SORCS2: variants seen among roughly 807,000 people sequenced by gnomAD.
SORCS2 encodes the protein sortilin related VPS10 domain containing receptor 2.
Under a neutral mutation model 141.6 loss-of-function variants are expected in SORCS2, and 100 were observed. The observed-to-expected ratio is 0.71, with a 90% CI of 0.60 to 0.83. The LOEUF is 0.83. Among genes scored for constraint, SORCS2 ranks in the 40% least tolerant of loss-of-function variants. The probability of loss-of-function intolerance (pLI) is 0.00; values close to 1 mark genes in which losing one functional copy is unlikely to be tolerated. For missense variants in SORCS2, 1,646 were observed against 1,560.2 expected (o/e 1.05, Z -0.93); for synonymous variants, 789 against 676.9 (o/e 1.17, Z -2.57).
At chr4:7,571,866 G>A (rs1471237266) in intron 3 of SORCS2, among the ~76,000 whole-genome samples, 1 of 152,190 alleles carries the variant, frequency 6.6e-6, no homozygotes, top group Non-Finnish European at 1.5e-5. Context: ...TTAGCTTCCT[G>A]GGACTTGTCG....
At chr4:7,640,407 G>A (rs1038623446) in intron 4 of SORCS2, among the ~76,000 whole-genome samples, 1 of 129,910 alleles carries the variant, frequency 7.7e-6, no homozygotes, top group Admixed American at 7.7e-5. Context: ...AGTGTGTGTG[G>A]GTGAGTGTGT....
In SORCS2 at chr4:7,555,876, C is replaced by T. The variant is rs539289368; in HGVS notation, c.648+24247C>T. On this transcript the variant is annotated intron_variant, in intron 3 of 26. Transcript: ENST00000507866. ...TCAGTGTGACAGCAGGTGGCAGAGG[C>T]AGAGCCCCCAGGAAAGCTGTTCACA... Among the ~76,000 whole-genome samples, 32 of 152,304 alleles carry T rather than the reference C, an allele frequency of 2.1e-4. No individual in the cohort carries two copies. The South Asian group carries it at 2.3e-3, about 11-fold the overall frequency.
chr4:7,452,179 C>A (rs1728503373), intron 2 of SORCS2, among the ~76,000 whole-genome samples: 1 of 151,670 alleles, frequency 6.6e-6, no homozygotes, highest in South Asian at 2.1e-4. Flanking sequence ...CTTGCTCTGT[C>A]ACCCAGGCTG....
chr4:7,733,240 TGGA>T, intron 23 of SORCS2, 79 bp from the exon 24 acceptor site: 1 of 725,142 alleles, frequency 1.4e-6, no homozygotes, highest in Non-Finnish European at 1.8e-6. Flanking sequence ...ACTCCCCTCC[TGGA>T]GGAGGACCCC....
At chr4:7,569,399 C>T (rs1350377959) in intron 3 of SORCS2, among the ~76,000 whole-genome samples, 1 of 152,152 alleles carries the variant, frequency 6.6e-6, no homozygotes, top group Non-Finnish European at 1.5e-5. Context: ...GTAATCCCAG[C>T]TACTTGGGAG....
intron 1 of SORCS2, among the ~76,000 whole-genome samples, chr4:7,379,783 T>G (rs1438513775): frequency 6.6e-6 from 1 of 152,258 alleles, no homozygotes; most frequent in South Asian, 2.1e-4. Context: ...AAGACCTCTA[T>G]GAAGGGCCTG....
chr4:7,714,112 C>T (rs1015888641), intron 15 of SORCS2, 128 bp from the exon 16 acceptor site: 17 of 1,334,876 alleles, frequency 1.3e-5, no homozygotes, highest in Non-Finnish European at 1.5e-5. Context: ...CCATTATGGG[C>T]CTCAGTTTCC....
In SORCS2 at chr4:7,228,418, G is replaced by A. The variant is rs537726965; in HGVS notation, c.480+35292G>A. Among the ~76,000 whole-genome samples, 4 of 152,302 alleles carry A rather than the reference G, an allele frequency of 2.6e-5. No homozygotes were observed. In the South Asian group the frequency reaches 8.3e-4, roughly 32 times the overall value. Reference sequence around the variant, plus strand: ...TGCATGTGTCCGGTGCTGTGGGGAGGCCTAGAAGCAGAATCTCAGCAAGGG... The same window carrying A: ...TGCATGTGTCCGGTGCTGTGGGGAGACCTAGAAGCAGAATCTCAGCAAGGG... On this transcript the variant is annotated intron_variant, in intron 1 of 26. Coordinates refer to ENST00000507866, the MANE Select transcript of SORCS2 (RefSeq NM_020777.3).
At chr4:7,660,588 T>G (rs1418698594) in intron 5 of SORCS2, among the ~76,000 whole-genome samples, 1 of 152,194 alleles carries the variant, frequency 6.6e-6, no homozygotes, top group Non-Finnish European at 1.5e-5. Context: ...GGGCAGTGTG[T>G]GCGGTCTGAG....
chr4:7,503,667 G>C (rs1233259038), intron 2 of SORCS2, among the ~76,000 whole-genome samples: 1 of 151,534 alleles, frequency 6.6e-6, no homozygotes, highest in Non-Finnish European at 1.5e-5. Flanking sequence ...GGTGCAGATG[G>C]ATGGAGACAC....
chr4:7,536,718 C>A (rs1162285208), intron 3 of SORCS2, among the ~76,000 whole-genome samples: 1 of 152,126 alleles, frequency 6.6e-6, no homozygotes, highest in Non-Finnish European at 1.5e-5. Context: ...TGGCCTTTAT[C>A]ATTGCATGAA....
intron 3 of SORCS2, among the ~76,000 whole-genome samples, chr4:7,634,816 C>T (rs565140175): frequency 2.0e-5 from 3 of 152,328 alleles, no homozygotes; most frequent in Non-Finnish European, 4.4e-5. Context: ...TGACAGCTGG[C>T]ACTCGGTCTG....
intron 2 of SORCS2, among the ~76,000 whole-genome samples, chr4:7,435,712 C>G (rs990880171): frequency 6.6e-6 from 1 of 152,252 alleles, no homozygotes; most frequent in South Asian, 2.1e-4. Context: ...GTTATCTTAT[C>G]TTTTTCTTCT....
intron 3 of SORCS2, among the ~76,000 whole-genome samples, chr4:7,569,123 A>G (rs1560393447): frequency 6.6e-6 from 1 of 152,202 alleles, no homozygotes; most frequent in Non-Finnish European, 1.5e-5. Context: ...GGACTGTGCC[A>G]TTGCTGTTGC....
intron 2 of SORCS2, among the ~76,000 whole-genome samples, chr4:7,522,178 C>T (rs1402790588): frequency 8.5e-5 from 13 of 152,284 alleles, no homozygotes; most frequent in East Asian, 1.9e-4. Flanking sequence ...CACACCTGCG[C>T]GTGTGACTTC....
intron 3 of SORCS2, among the ~76,000 whole-genome samples, chr4:7,600,867 A>G (rs1243558732): frequency 3.3e-5 from 5 of 152,064 alleles, no homozygotes; most frequent in East Asian, 1.9e-4. Flanking sequence ...AACTTTCCCT[A>G]TCTTTTCAGT....
At chr4:7,242,106 C>T (rs1308003420) in intron 1 of SORCS2, among the ~76,000 whole-genome samples, 4 of 152,204 alleles carry the variant, frequency 2.6e-5, no homozygotes, top group Non-Finnish European at 4.4e-5. Context: ...CGCACTGATT[C>T]GGTAGGGCCT....
chr4:7,681,767 T>C (rs777422448), intron 9 of SORCS2, among the ~76,000 whole-genome samples: 1 of 152,262 alleles, frequency 6.6e-6, no homozygotes, highest in Non-Finnish European at 1.5e-5. Context: ...GCTCAGTGCC[T>C]GTAACATAGA....
At position 7,729,018 on chromosome 4, in the gene SORCS2, T is replaced by C. The variant is rs111822763; in HGVS notation, c.2982+556T>C. 2.9e-3 allele frequency among the ~76,000 whole-genome samples: 436 copies of C among 152,274 alleles called. 2 individuals are homozygous for C. Among genetic ancestry groups the C allele is most frequent in the African/African-American group, 9.6e-3 (397 of 41,560 alleles). On this transcript the variant is annotated intron_variant, in intron 22 of 26. Transcript: ENST00000507866. The stretch of plus-strand genomic sequence containing the variant: ...AGGCTTCCCCTCCCGTGAATAATGC[T>C]GGTAAAAGGGTCCTGGGCACTGAAG...
Sources: gnomAD v4.1 joint callset for allele counts (sites outside exome capture counted in the v4.1 genomes callset) on GRCh38, gnomAD v4.1.1 for gene constraint, MANE v1.5 for transcripts, NCBI Gene and HGNC (gene_info 2026-07-23, HGNC 2026-07-21) for gene names.